Variants in RHCE observed in about 807,000 individuals in gnomAD.
The protein encoded by RHCE is blood group Rh(CE) polypeptide.
Under a neutral mutation model 43.8 loss-of-function variants are expected in RHCE, and 22 were observed. That is an observed-to-expected ratio of 0.50 (90% CI 0.36 to 0.72). The LOEUF (loss-of-function observed/expected upper bound fraction) is 0.72. Ranked by LOEUF, RHCE falls within the 30% of genes least tolerant of loss-of-function variation. RHCE has a pLI of 0.00. For synonymous variants in RHCE, 156 were observed against 210.7 expected (o/e 0.74, Z 2.25); for missense variants, 385 against 525.4 (o/e 0.73, Z 2.61).
At chr1:25,397,228 G>T (rs1646576428) in intron 3 of RHCE, among the ~76,000 whole-genome samples, 1 of 149,906 alleles carries the variant, frequency 6.7e-6, no homozygotes, top group Non-Finnish European at 1.5e-5. Flanking sequence ...TGGGCGCGGT[G>T]GCTCACACCT....
rs2375332 is a variant in RHCE, at chr1:25,372,524, A to C, written c.1154-1984T>G. ...ACAAGAGCAAAACTCCGTCTAAAAA[A>C]AAAAAAAAGAATTTCTCTTCCTCTG... On this transcript the variant is annotated intron_variant, in intron 8 of 9. Transcript: ENST00000294413. 3.6e-3 allele frequency among the ~76,000 whole-genome samples: 541 copies of C among 151,668 alleles called. 4 individuals are homozygous for C. Among genetic ancestry groups the C allele is most frequent in the Non-Finnish European group, 6.3e-3 (427 of 67,994 alleles).
chr1:25,379,083 T>G (rs1409683815), intron 7 of RHCE, among the ~76,000 whole-genome samples: 6 of 152,278 alleles, frequency 3.9e-5, no homozygotes, highest in Non-Finnish European at 8.8e-5. Flanking sequence ...TATAAAATAA[T>G]TATATATAGC....
At chr1:25,385,929 C>T (rs537715391) in intron 6 of RHCE, 85 bp from the exon 7 acceptor site, 98 of 1,605,680 alleles carry the variant, frequency 6.1e-5, no homozygotes, top group African/African-American at 4.9e-4. Flanking sequence ...TGGTATCCGG[C>T]GCCACCAAAT....
chr1:25,415,957 C>T (rs1647381883), intron 1 of RHCE, among the ~76,000 whole-genome samples: 1 of 151,934 alleles, frequency 6.6e-6, no homozygotes, highest in African/African-American at 2.4e-5. Flanking sequence ...GCCTGAGAAT[C>T]TGCATTTCTA....
intron 3 of RHCE, among the ~76,000 whole-genome samples, chr1:25,395,339 G>T (rs1646504816): frequency 6.6e-6 from 1 of 151,326 alleles, no homozygotes. Context: ...AGGTGGATGG[G>T]TGGGTGGAGG....
At chr1:25,373,468 GC>G (rs1645676688) in intron 8 of RHCE, among the ~76,000 whole-genome samples, 1 of 151,710 alleles carries the variant, frequency 6.6e-6, no homozygotes. Flanking sequence ...ACTCTACTCC[GC>G]CTCTGCTTCT....
chr1:25,392,006 A>T lies in RHCE; in HGVS notation c.622T>A (p.Ser208Thr), dbSNP rs767672600. The T allele has an allele frequency of 6.2e-7, 1 of 1,614,078 alleles. No individual in the cohort carries two copies. The highest frequency in any genetic ancestry group is 1.1e-5 in the South Asian group (1 of 91,078). Residue 208 changes from serine (S) to threonine (T), a missense_variant, in exon 4 of 10, where the codon TCT becomes ACT. Physicochemically the swap from Ser to Thr is moderately conservative, Grantham distance 58. Transcript: ENST00000294413. Reference sequence around the variant, plus strand: ...ACCTTGTCCTTACCCAGCATGGCAGACAAACTGGGTATCGTTGCTCTCTGA... The same window carrying T: ...ACCTTGTCCTTACCCAGCATGGCAGTCAAACTGGGTATCGTTGCTCTCTGA... ...NDQRATIPSL[S>T]AMLGALFLWM...
intron 3 of RHCE, chr1:25,398,769 C>G: frequency 1.9e-6 from 3 of 1,570,200 alleles, no homozygotes. Flanking sequence ...CCAAGGAGGC[C>G]GAGCTCTGTT....
intron 7 of RHCE, among the ~76,000 whole-genome samples, chr1:25,380,671 C>T (rs1283024358): frequency 6.6e-6 from 1 of 152,196 alleles, no homozygotes; most frequent in Admixed American, 6.5e-5. Flanking sequence ...GCCACTTGAA[C>T]CACAGCTGGG....
intron 1 of RHCE, among the ~76,000 whole-genome samples, chr1:25,416,914 G>GTT (rs200256174): frequency 8.9e-5 from 12 of 135,558 alleles, no homozygotes; most frequent in Middle Eastern, 3.9e-3. Context: ...CAGCCAGGGT[G>GTT]TTTTTTTTTT....
intron 3 of RHCE, among the ~76,000 whole-genome samples, chr1:25,397,538 T>C (rs1175579562): frequency 6.6e-6 from 1 of 151,288 alleles, no homozygotes; most frequent in Non-Finnish European, 1.5e-5. Flanking sequence ...TCCCAGACCA[T>C]TGTTCTTTTT....
chr1:25,424,229 A>G (rs1041536027), upstream of RHCE, among the ~76,000 whole-genome samples: 5 of 152,290 alleles, frequency 3.3e-5, no homozygotes, highest in African/African-American at 9.6e-5. Context: ...TATTAAATGC[A>G]TTTTTGACTT....
At position 25,390,797 on chromosome 1, in the gene RHCE, T is replaced by A; in HGVS notation, c.753A>T (p.Thr251=). The change falls in exon 5 of 10, where the codon ACA becomes ACT. Residue 251 remains threonine (T), a synonymous_variant. Coordinates refer to ENST00000294413, the MANE Select transcript of RHCE (RefSeq NM_020485.8). ...GAGCCAAGGATGACCCTGAGATGGC[T>A]GTCACCACACTGACTGCTAGAGCAT... is the stretch of plus-strand genomic sequence containing the variant. ...TYYALAVSVV[T]AISGSSLAHP... 1 of 1,614,246 alleles carries A rather than the reference T, an allele frequency of 6.2e-7. No individual in the cohort carries two copies. The highest frequency in any genetic ancestry group is 8.5e-7 in the Non-Finnish European group (1 of 1,180,044).
In RHCE at chr1:25,402,202, GTCTGTCTA is replaced by G. The variant is rs1444474407; in HGVS notation, c.486+386_486+393del. Reference sequence around the variant, plus strand: ...TGTCTGTCTGTCTGTCTGTCTGTCTGTCTGTCTATCTATCTATCTATCTATCTATCTAT... The same window carrying G: ...TGTCTGTCTGTCTGTCTGTCTGTCTGTCTATCTATCTATCTATCTATCTAT... On this transcript the variant is annotated intron_variant, in intron 3 of 9. Transcript: ENST00000294413. Among the ~76,000 whole-genome samples, 170 of 118,436 alleles carry G rather than the reference GTCTGTCTA, an allele frequency of 1.4e-3. 1 individual carries two copies. Among genetic ancestry groups the G allele is most frequent in the Admixed American group, 2.0e-3 (23 of 11,694 alleles). The allele number at this position is 118,436 out of a possible 152,430, so 77.7% of individuals were successfully genotyped here.
chr1:25,421,503 T>C (rs1234116200), upstream of RHCE, among the ~76,000 whole-genome samples: 2 of 152,130 alleles, frequency 1.3e-5, no homozygotes, highest in South Asian at 2.1e-4. Flanking sequence ...TAGGGTGAAG[T>C]TGCTCTACCT....
chr1:25,386,868 C>T (rs1252012588), intron 6 of RHCE, among the ~76,000 whole-genome samples: 2 of 150,856 alleles, frequency 1.3e-5, no homozygotes, highest in Admixed American at 1.3e-4. Context: ...CACACACACA[C>T]ACACACACAC....
chr1:25,370,915 ATTTTTTT>A (rs77875421), intron 8 of RHCE, among the ~76,000 whole-genome samples: 1 of 124,764 alleles, frequency 8.0e-6, no homozygotes, highest in South Asian at 2.5e-4. Context: ...CATCCAGCTA[ATTTTTTT>A]TTTTTTTTTT....
upstream of RHCE, among the ~76,000 whole-genome samples, chr1:25,425,313 A>G (rs1281373817): frequency 6.6e-6 from 1 of 152,148 alleles, no homozygotes; most frequent in Non-Finnish European, 1.5e-5. Flanking sequence ...TGCATATGCT[A>G]TTTCATCGGA....
chr1:25,414,924 A>C (rs1019321486), intron 1 of RHCE, among the ~76,000 whole-genome samples: 1 of 152,158 alleles, frequency 6.6e-6, no homozygotes, highest in African/African-American at 2.4e-5. Flanking sequence ...AAAGGTTGCT[A>C]TTTTAAGCCA....
Sources: gnomAD v4.1 joint callset for allele counts (sites outside exome capture counted in the v4.1 genomes callset) on GRCh38, gnomAD v4.1.1 for gene constraint, MANE v1.5 for transcripts, NCBI Gene and HGNC (gene_info 2026-07-23, HGNC 2026-07-21) for gene names.